Variants in TMEM132D observed in about 807,000 individuals in gnomAD.
TMEM132D encodes the protein mature OL transmembrane protein.
TMEM132D carries 21 observed loss-of-function variants against 62.3 expected under a neutral mutation model. The ratio of observed to expected loss-of-function variants is 0.34; its 90% CI spans 0.24 to 0.49. The LOEUF (loss-of-function observed/expected upper bound fraction) is 0.49. TMEM132D is among the 20% of genes least tolerant of loss of function. The pLI is 0.99. For missense variants in TMEM132D, 1,346 were observed against 1,402.8 expected (o/e 0.96, Z 0.65); for synonymous variants, 621 against 575.6 (o/e 1.08, Z -1.13).
At position 129,312,940 on chromosome 12, in the gene TMEM132D, A is replaced by G. The variant is rs74509810; in HGVS notation, c.1299+24694T>C. ...TGTAAAGGTGGAACTATTAGGATCAACCGAGACTGAATTCATGTCTGAGAA... is the reference window on the plus strand; with the variant it reads ...TGTAAAGGTGGAACTATTAGGATCAGCCGAGACTGAATTCATGTCTGAGAA... On this transcript the variant is annotated intron_variant, in intron 4 of 8. Coordinates refer to ENST00000422113, the MANE Select transcript of TMEM132D (RefSeq NM_133448.3). Among the ~76,000 whole-genome samples, 1,090 of 152,318 alleles carry G rather than the reference A, an allele frequency of 7.2e-3. 19 individuals are homozygous for G. Among genetic ancestry groups the G allele is most frequent in the African/African-American group, 0.025 (1,046 of 41,572 alleles).
intron 2 of TMEM132D, among the ~76,000 whole-genome samples, chr12:129,587,165 T>C (rs1032459480): frequency 6.6e-6 from 1 of 151,596 alleles, no homozygotes; most frequent in African/African-American, 2.4e-5. Flanking sequence ...ATAGATGGGA[T>C]AAAAAAAATG....
chr12:129,599,516 C>T (rs575387276), intron 2 of TMEM132D, among the ~76,000 whole-genome samples: 2 of 152,302 alleles, frequency 1.3e-5, no homozygotes, highest in African/African-American at 4.8e-5. Context: ...TGCTTTGAAG[C>T]TGTCACATTT....
intron 2 of TMEM132D, among the ~76,000 whole-genome samples, chr12:129,686,402 T>C (rs1880919962): frequency 6.6e-6 from 1 of 152,172 alleles, no homozygotes; most frequent in Non-Finnish European, 1.5e-5. Flanking sequence ...GCTCAGCACT[T>C]CTCCTTCCAG....
chr12:129,848,204 C>T (rs1157993451), intron 1 of TMEM132D, among the ~76,000 whole-genome samples: 4 of 152,082 alleles, frequency 2.6e-5, no homozygotes, highest in African/African-American at 7.2e-5. Context: ...TAGGTTGGTG[C>T]GAAAGTAATT....
chr12:129,634,367 G>A (rs577436762), intron 2 of TMEM132D, among the ~76,000 whole-genome samples: 22 of 151,868 alleles, frequency 1.4e-4, no homozygotes, highest in Non-Finnish European at 2.4e-4. Flanking sequence ...CCAGCTGCTC[G>A]GGAGGCTGAG....
intron 1 of TMEM132D, among the ~76,000 whole-genome samples, chr12:129,817,125 T>G (rs1298002333): frequency 6.6e-6 from 1 of 152,206 alleles, no homozygotes; most frequent in Non-Finnish European, 1.5e-5. Flanking sequence ...GGAGCAATGA[T>G]AAGTTAATGA....
intron 1 of TMEM132D, among the ~76,000 whole-genome samples, chr12:129,871,998 G>A (rs952988809): frequency 6.6e-6 from 1 of 152,144 alleles, no homozygotes; most frequent in Non-Finnish European, 1.5e-5. Context: ...TCCCCAGCGA[G>A]CTGCTTCCCT....
intron 3 of TMEM132D, among the ~76,000 whole-genome samples, chr12:129,439,564 C>G (rs1392102957): frequency 6.6e-6 from 1 of 152,152 alleles, no homozygotes; most frequent in Non-Finnish European, 1.5e-5. Flanking sequence ...ATTCTCCTGC[C>G]TCAGCCTTCT....
intron 5 of TMEM132D, among the ~76,000 whole-genome samples, chr12:129,091,342 C>T (rs1874907779): frequency 6.8e-6 from 1 of 146,154 alleles, no homozygotes; most frequent in Admixed American, 6.8e-5. Flanking sequence ...CCTTACCTAT[C>T]CTCACCTGGG....
intron 3 of TMEM132D, among the ~76,000 whole-genome samples, chr12:129,492,487 A>G (rs2137061227): frequency 1.3e-5 from 2 of 152,338 alleles, no homozygotes; most frequent in East Asian, 3.9e-4. Context: ...CAATTGGTGC[A>G]CAAAATATAA....
intron 5 of TMEM132D, among the ~76,000 whole-genome samples, chr12:129,190,778 G>T (rs1206810023): frequency 6.6e-6 from 1 of 152,186 alleles, no homozygotes; most frequent in Non-Finnish European, 1.5e-5. Flanking sequence ...ACACATTTGT[G>T]TTGTTTTAAG....
chr12:129,513,273 A>G (rs893639473), intron 3 of TMEM132D, among the ~76,000 whole-genome samples: 2 of 152,102 alleles, frequency 1.3e-5, no homozygotes, highest in South Asian at 4.2e-4. Flanking sequence ...AGGGAACCTA[A>G]CCACTCCCTC....
chr12:129,643,944 T>C (rs1437134566), intron 2 of TMEM132D, among the ~76,000 whole-genome samples: 6 of 151,404 alleles, frequency 4.0e-5, no homozygotes, highest in Admixed American at 6.6e-5. Context: ...AACCTCGGCC[T>C]CCTGGGTTCA....
intron 4 of TMEM132D, among the ~76,000 whole-genome samples, chr12:129,306,009 G>A (rs888887664): frequency 3.3e-5 from 5 of 152,160 alleles, no homozygotes; most frequent in African/African-American, 1.2e-4. Context: ...AAATCTCAGA[G>A]CTCAGCAACT....
At chr12:129,463,811 T>C (rs1379841902) in intron 3 of TMEM132D, among the ~76,000 whole-genome samples, 1 of 152,052 alleles carries the variant, frequency 6.6e-6, no homozygotes, top group Non-Finnish European at 1.5e-5. Flanking sequence ...AACTCATCAT[T>C]TTTTATGGCT....
intron 5 of TMEM132D, among the ~76,000 whole-genome samples, chr12:129,093,678 A>T (rs1875005891): frequency 6.6e-6 from 1 of 152,166 alleles, no homozygotes; most frequent in Non-Finnish European, 1.5e-5. Flanking sequence ...GAATTGGAAA[A>T]AACTACTTTA....
At chr12:129,177,624 G>T (rs138627221) in intron 5 of TMEM132D, among the ~76,000 whole-genome samples, 1 of 152,236 alleles carries the variant, frequency 6.6e-6, no homozygotes, top group African/African-American at 2.4e-5. Flanking sequence ...CAGGCATGGT[G>T]GTGTGTACCT....
intron 2 of TMEM132D, among the ~76,000 whole-genome samples, chr12:129,558,664 C>T (rs1397590816): frequency 6.6e-6 from 1 of 152,156 alleles, no homozygotes; most frequent in Non-Finnish European, 1.5e-5. Flanking sequence ...GTGAAGCGTG[C>T]TCTTCTGAAA....
intron 1 of TMEM132D, among the ~76,000 whole-genome samples, chr12:129,726,431 A>G (rs1352585966): frequency 2.6e-5 from 4 of 152,134 alleles, no homozygotes; most frequent in Non-Finnish European, 5.9e-5. Flanking sequence ...AAAGGTCCTG[A>G]GGCAGGAACA....
Sources: allele counts gnomAD v4.1 joint callset (sites outside exome capture counted in the v4.1 genomes callset), GRCh38; gene constraint gnomAD v4.1.1; transcripts MANE v1.5; gene names NCBI Gene and HGNC (gene_info 2026-07-23, HGNC 2026-07-21).